PRR36: variants seen among roughly 807,000 people sequenced by gnomAD.
PRR36 encodes proline-rich protein 36.
A neutral mutation model predicts 58.6 loss-of-function variants in PRR36; 30 were observed. That is an observed-to-expected ratio of 0.51 (90% CI 0.38 to 0.69). The LOEUF is 0.69. PRR36 is among the 30% of genes least tolerant of loss of function. PRR36 has a pLI of 0.00. For missense variants in PRR36, 1,692 were observed against 1,805.6 expected (o/e 0.94, Z 1.14); for synonymous variants, 771 against 829.3 (o/e 0.93, Z 1.21).
Position 7,872,440 on chromosome 19 carries a change from A to C in PRR36, c.804T>G (p.His268Gln). ...SARGTPRAPA[H>Q]PSQPKPKGLQ... The stretch of plus-strand genomic sequence containing the variant: ...GTCCTTTCGGCTTGGGCTGCGAGGG[A>C]TGCGCAGGAGCCCTGGGTGTTCCGC... The change falls in exon 5 of 6, where the codon CAT (histidine) becomes CAG (glutamine). Residue 268 changes from histidine to glutamine, a missense_variant. Coordinates refer to ENST00000618550, the MANE Select transcript of PRR36 (RefSeq NM_001190467.2). The surrounding 1 kb of genome is among the most constrained non-coding windows in gnomAD (Gnocchi z 6.1). The C allele has an allele frequency of 7.6e-6, 11 of 1,453,248 alleles. No individual in the cohort carries two copies. Among genetic ancestry groups the C allele is most frequent in the Non-Finnish European group, 9.9e-6 (11 of 1,108,830 alleles). 90.0% of individuals were successfully genotyped at this position (1,453,248 alleles called of 1,614,324 possible).
Position 7,869,481 on chromosome 19 carries a change from T to C in PRR36, c.3593A>G (p.Tyr1198Cys). The C allele has an allele frequency of 6.6e-7, 1 of 1,514,288 alleles. No homozygotes were observed. Among genetic ancestry groups the C allele is most frequent in the South Asian group, 1.2e-5 (1 of 82,624 alleles). The allele number at this position is 1,514,288 out of a possible 1,614,324, so 93.8% of individuals were successfully genotyped here. A position where few individuals can be genotyped will look rare whatever the true frequency, so the allele number is the denominator to read the frequency against. ...PGSADGLCTI[Y>C]ETEGPESATP... ...CGCCGACTCGGGCCCTTCAGTCTCG[T>C]AGATGGTGCACAGACCGTCAGCAGA... The change falls in exon 6 of 6, where the codon TAC becomes TGC. Residue 1198 changes from tyrosine (Y) to cysteine (C), a missense_variant. Tyr to Cys is a radical substitution (Grantham distance 194). Around this residue, in one of 5 missense-constraint regions of PRR36, gnomAD observed 485 missense variants for 549.2 expected, o/e 0.88. Transcript: ENST00000618550.
rs1412445997 is a variant in PRR36 at position 7,872,006 on chromosome 19, G to T, written c.1238C>A (p.Ser413Tyr). 4 of 1,535,742 alleles carry T rather than the reference G, an allele frequency of 2.6e-6. No homozygotes were observed. Among genetic ancestry groups the T allele is most frequent in the Non-Finnish European group, 3.5e-6 (4 of 1,146,814 alleles). Residue 413 changes from serine to tyrosine, a missense_variant, in exon 5 of 6, where the codon TCC becomes TAC. This residue lies in a region of PRR36 where 975 missense variants were observed against 955.2 expected (regional missense o/e 1.02). Transcript: ENST00000618550. The surrounding 1 kb of genome is among the most constrained non-coding windows in gnomAD (Gnocchi z 6.1). ...IMSFPEAGVS[S>Y]LATAAFVASV... The stretch of plus-strand genomic sequence containing the variant: ...AGCCACAAAAGCGGCTGTGGCCAGG[G>T]AAGAGACGCCTGCTTCTGGAAAGGA...
chr19:7,871,364 G>T lies in PRR36; in HGVS notation c.1880C>A (p.Ser627Tyr). Residue 627 changes from serine (S) to tyrosine (Y), a missense_variant, in exon 5 of 6, where the codon TCT (serine) becomes TAT (tyrosine). By Grantham distance (144) the Ser-to-Tyr change is moderately radical. Transcript: ENST00000618550. ...TTGCCTAGGGGACATTGTCAGGAAA[G>T]AATGTGTGGCCTGCAGAGTGGGTGA... ...LGSPTLQATH[S>Y]FLTMSPRQTQ... 1.3e-6 allele frequency: 2 copies of T among 1,535,804 alleles called. No individual in the cohort carries two copies. Among genetic ancestry groups the T allele is most frequent in the Non-Finnish European group, 1.7e-6 (2 of 1,146,830 alleles).
In PRR36 at chr19:7,871,520, G is replaced by A. The variant is rs1313717697; in HGVS notation, c.1724C>T (p.Pro575Leu). 2.0e-6 allele frequency: 3 copies of A among 1,535,450 alleles called. No individual in the cohort carries two copies. Among genetic ancestry groups the A allele is most frequent in the Non-Finnish European group, 2.6e-6 (3 of 1,146,734 alleles). ...PQAPPSMTTP[P>L]MQAPPSLQTI... ...CTGGAGAGAGGGCGGGGCCTGCATAGGGGGCGTAGTCATAGAAGGTGGGGC... is the reference window on the plus strand; with the variant it reads ...CTGGAGAGAGGGCGGGGCCTGCATAAGGGGCGTAGTCATAGAAGGTGGGGC... Residue 575 changes from proline to leucine, a missense_variant, in exon 5 of 6, where the codon CCT (proline) becomes CTT (leucine). Transcript: ENST00000618550.
Position 7,871,466 on chromosome 19 carries a change from G to C in PRR36, c.1778C>G (p.Ser593Cys). The C allele has an allele frequency of 2.6e-6, 4 of 1,535,628 alleles. No individual in the cohort carries two copies. The highest frequency in any genetic ancestry group is 3.5e-6 in the Non-Finnish European group (4 of 1,146,798). ...QTIPPIQVPH[S>C]LTSPSLQAPP... ...TGCCTGCAGAGACGGTGAGGTCAGA[G>C]AATGTGGGACCTGTATTGGGGGAAT... Residue 593 changes from serine (S) to cysteine (C), a missense_variant, in exon 5 of 6, where the codon TCT (serine) becomes TGT (cysteine). Ser to Cys is a moderately radical substitution (Grantham distance 112). Transcript: ENST00000618550.
At position 7,869,553 on chromosome 19, in the gene PRR36, A is replaced by G. The variant is rs1299808164; in HGVS notation, c.3530-9T>C. On this transcript the variant is annotated splice_polypyrimidine_tract_variant and intron_variant, in intron 5 of 5. Transcript: ENST00000618550. ...CCACGGCAGGGGCGCACCTGCGGGG[A>G]GAGACGCCAGGTGGGCCGTGGGGGT... 1 of 1,516,002 alleles carries G rather than the reference A, an allele frequency of 6.6e-7. No homozygotes were observed. The highest frequency in any genetic ancestry group is 2.0e-5 in the Admixed American group (1 of 49,976). The allele number at this position is 1,516,002 out of a possible 1,614,324, so 93.9% of individuals were successfully genotyped here. A position where few individuals can be genotyped will look rare whatever the true frequency, so the allele number is the denominator to read the frequency against.
rs1013558991 is a variant in PRR36, at chr19:7,873,422, G to C, written c.268C>G (p.Pro90Ala). 1.9e-5 allele frequency: 29 copies of C among 1,530,332 alleles called. No homozygotes were observed. The African/African-American group carries it at 3.8e-4, about 20-fold the overall frequency. The allele number at this position is 1,530,332 out of a possible 1,614,324, so 94.8% of individuals were successfully genotyped here. A position where few individuals can be genotyped will look rare whatever the true frequency, so the allele number is the denominator to read the frequency against. ...CTGAGGAAGGAGGCTGGGGTACCAG[G>C]GTTTCGGGAACTTGTCCCAGCACTC... ...TRSAGTSSRNPASRPPASGRG... is the reference protein window; with the variant it reads ...TRSAGTSSRNAASRPPASGRG... The change falls in exon 2 of 6, where the codon CCT (proline) becomes GCT (alanine). Residue 90 changes from proline to alanine, a missense_variant. By Grantham distance (27) the Pro-to-Ala change is conservative. This residue lies in a region of PRR36 where 975 missense variants were observed against 955.2 expected (regional missense o/e 1.02). Coordinates refer to ENST00000618550, the MANE Select transcript of PRR36 (RefSeq NM_001190467.2). The surrounding 1 kb of genome is among the most constrained non-coding windows in gnomAD (Gnocchi z 5.0).
In PRR36 at chr19:7,873,200, G is replaced by C; in HGVS notation, c.371C>G (p.Thr124Ser). ...TGGGGGAGAGGGAGCAGGTTACCTGGTGGTCCCGCTGGCACGCCCTGGGCT... is the reference window on the plus strand; with the variant it reads ...TGGGGGAGAGGGAGCAGGTTACCTGCTGGTCCCGCTGGCACGCCCTGGGCT... The part of the protein sequence containing the change: ...VSSPGRASGT[T>S]RPGPLGQKGL... Residue 124 changes from threonine to serine, a missense_variant, in exon 3 of 6, where the codon ACC (threonine) becomes AGC (serine). Physicochemically the swap from Thr to Ser is moderately conservative, Grantham distance 58. Transcript: ENST00000618550. This position sits in a 1 kb window ranked among gnomAD's most constrained non-coding sequence, Gnocchi z 5.0. The C allele has an allele frequency of 6.5e-7, 1 of 1,535,958 alleles. No individual in the cohort carries two copies. Among genetic ancestry groups the C allele is most frequent in the South Asian group, 1.2e-5 (1 of 84,056 alleles).
chr19:7,872,738 G>C lies in PRR36; in HGVS notation c.506C>G (p.Pro169Arg), dbSNP rs1237722689. Reference sequence around the variant, plus strand: ...GGCCATGGCCGGGGACGGGGTTCCTGGGGTAGGCCCGGAAGTGTCTGGAGA... The same window carrying C: ...GGCCATGGCCGGGGACGGGGTTCCTCGGGTAGGCCCGGAAGTGTCTGGAGA... The part of the protein sequence containing the change: ...GARRDTSGPT[P>R]GTPSPAMARR... The change falls in exon 5 of 6, where the codon CCA becomes CGA. Residue 169 changes from proline to arginine, a missense_variant. Physicochemically the swap from Pro to Arg is moderately radical, Grantham distance 103. This residue lies in a region of PRR36 where 975 missense variants were observed against 955.2 expected (regional missense o/e 1.02). Coordinates refer to ENST00000618550, the MANE Select transcript of PRR36 (RefSeq NM_001190467.2). The surrounding 1 kb of genome is among the most constrained non-coding windows in gnomAD (Gnocchi z 6.1). 8 of 1,452,460 alleles carry C rather than the reference G, an allele frequency of 5.5e-6. No individual in the cohort carries two copies. Among genetic ancestry groups the C allele is most frequent in the Middle Eastern group, 1.8e-4 (1 of 5,598 alleles). The allele number at this position is 1,452,460 out of a possible 1,614,324, so 90.0% of individuals were successfully genotyped here.
At chr19:7,869,690 A>C in intron 5 of PRR36, 25 bp downstream of exon 5, 1 of 1,374,286 alleles carries the variant, frequency 7.3e-7, no homozygotes, top group South Asian at 1.6e-5. Context: ...GCCCACAGCC[A>C]GGCCGGGTCT....
Position 7,873,442 on chromosome 19 carries a change from G to C in PRR36, c.248C>G (p.Ala83Gly). 1.3e-6 allele frequency: 2 copies of C among 1,533,626 alleles called. No individual in the cohort carries two copies. The highest frequency in any genetic ancestry group is 2.4e-5 in the South Asian group (2 of 83,766). The change falls in exon 2 of 6, where the codon GCT becomes GGT. Residue 83 changes from alanine (A) to glycine (G), a missense_variant. Ala to Gly is a moderately conservative substitution (Grantham distance 60, BLOSUM62 0). Around this residue, in one of 5 missense-constraint regions of PRR36, gnomAD observed 975 missense variants for 955.2 expected, o/e 1.02. Coordinates refer to ENST00000618550, the MANE Select transcript of PRR36 (RefSeq NM_001190467.2). The surrounding 1 kb of genome is among the most constrained non-coding windows in gnomAD (Gnocchi z 5.0). Reference sequence around the variant, plus strand: ...ACCAGGGTTTCGGGAACTTGTCCCAGCACTCCGCGTTGGTCCCGCTCGGGG... The same window carrying C: ...ACCAGGGTTTCGGGAACTTGTCCCACCACTCCGCGTTGGTCCCGCTCGGGG... ...SAPRAGPTRS[A>G]GTSSRNPASR...
rs762629865 is a variant in PRR36, at chr19:7,869,076, G to C, written c.3998C>G (p.Pro1333Arg). The C allele has an allele frequency of 2.0e-6, 3 of 1,534,360 alleles. No individual in the cohort carries two copies. The highest frequency in any genetic ancestry group is 2.4e-5 in the South Asian group (2 of 83,860). Residue 1333 changes from proline (P) to arginine (R), a missense_variant, in exon 6 of 6, where the codon CCG becomes CGG. By Grantham distance (103) the Pro-to-Arg change is moderately radical. This residue lies in a region of PRR36 where 485 missense variants were observed against 549.2 expected (regional missense o/e 0.88). Coordinates refer to ENST00000618550, the MANE Select transcript of PRR36 (RefSeq NM_001190467.2). The stretch of plus-strand genomic sequence containing the variant: ...CTCCACCACGGTCCAGTCACCCTGC[G>C]GGGAGGCCACGTCGTCCGGAGAGAA... ...TSFSPDDVASPQGDWTVVEVE... is the reference protein window; with the variant it reads ...TSFSPDDVASRQGDWTVVEVE...
In PRR36 at chr19:7,873,079, C is replaced by T; in HGVS notation, c.374+118G>A. On this transcript the variant is annotated intron_variant, in intron 3 of 5. Transcript: ENST00000618550. This position sits in a 1 kb window ranked among gnomAD's most constrained non-coding sequence, Gnocchi z 5.0. ...CTGAGGACCAATAATGGCTTTCACC[C>T]AATTTGTGCCCAGTGACCTGCAAGT... 7.6e-7 allele frequency: 1 copy of T among 1,315,678 alleles called. No individual in the cohort carries two copies. Among genetic ancestry groups the T allele is most frequent in the South Asian group, 1.3e-5 (1 of 77,840 alleles). 81.5% of individuals were successfully genotyped at this position (1,315,678 alleles called of 1,614,324 possible). A position where few individuals can be genotyped will look rare whatever the true frequency, so the allele number is the denominator to read the frequency against.
rs1980243375 is a variant in PRR36, at chr19:7,869,127, C to A, written c.3947G>T (p.Arg1316Leu). The change falls in exon 6 of 6, where the codon CGT (arginine) becomes CTT (leucine). Residue 1316 changes from arginine to leucine, a missense_variant. Physicochemically the swap from Arg to Leu is moderately radical, Grantham distance 102. Transcript: ENST00000618550. ...AELLSPLDESRASITSVTSFS... is the reference protein window; with the variant it reads ...AELLSPLDESLASITSVTSFS... ...GCTGGTGACCGAGGTGATGCTGGCA[C>A]GGGACTCGTCCAGGGGAGACAGTAG... is the stretch of plus-strand genomic sequence containing the variant. 6.5e-7 allele frequency: 1 copy of A among 1,535,126 alleles called. No homozygotes were observed. Among genetic ancestry groups the A allele is most frequent in the Non-Finnish European group, 8.7e-7 (1 of 1,146,614 alleles).
Position 7,869,027 on chromosome 19 carries a change from T to C in PRR36, c.*6A>G. 1 of 1,509,236 alleles carries C rather than the reference T, an allele frequency of 6.6e-7. No homozygotes were observed. Among genetic ancestry groups the C allele is most frequent in the South Asian group, 1.2e-5 (1 of 81,056 alleles). 93.5% of individuals were successfully genotyped at this position (1,509,236 alleles called of 1,614,324 possible). ...TGGGGTGTAGCAGGCGGGGCTGTGG[T>C]CTGGCTCAGTGGAAGGTCTCCACCT... is the stretch of plus-strand genomic sequence containing the variant. On this transcript the variant is annotated 3_prime_UTR_variant, in exon 6 of 6. Transcript: ENST00000618550.
In PRR36 at chr19:7,872,591, G is replaced by C. The variant is rs983942131; in HGVS notation, c.653C>G (p.Thr218Ser). ...CCTCCTGGCAGCCGGGCTTGGCTCGGTGGTACTGTGCTCCGAGGCGCTGCT... is the reference window on the plus strand; with the variant it reads ...CCTCCTGGCAGCCGGGCTTGGCTCGCTGGTACTGTGCTCCGAGGCGCTGCT... ...SVSSASEHST[T>S]EPSPAARRRP... The change falls in exon 5 of 6, where the codon ACC becomes AGC. Residue 218 changes from threonine to serine, a missense_variant. Physicochemically the swap from Thr to Ser is moderately conservative, Grantham distance 58. Coordinates refer to ENST00000618550, the MANE Select transcript of PRR36 (RefSeq NM_001190467.2). This position sits in a 1 kb window ranked among gnomAD's most constrained non-coding sequence, Gnocchi z 6.1. 71 of 1,522,828 alleles carry C rather than the reference G, an allele frequency of 4.7e-5. No homozygotes were observed. Among genetic ancestry groups the C allele is most frequent in the Non-Finnish European group, 6.0e-5 (68 of 1,141,564 alleles). 94.3% of individuals were successfully genotyped at this position (1,522,828 alleles called of 1,614,324 possible). A position where few individuals can be genotyped will look rare whatever the true frequency, so the allele number is the denominator to read the frequency against.
chr19:7,872,853 C>T lies in PRR36; in HGVS notation c.483G>A (p.Arg161=). 1 of 1,535,804 alleles carries T rather than the reference C, an allele frequency of 6.5e-7. No individual in the cohort carries two copies. The highest frequency in any genetic ancestry group is 8.7e-7 in the Non-Finnish European group (1 of 1,146,682). The part of the protein sequence containing the change: ...PKRSALSAGA[R]RDTSGPTPGT... ...ACTCTTCTCCAGGTCACGTACCTCT[C>T]CGTGCCCCAGCGCTGAGGGCACTCC... The change falls in exon 4 of 6, where the codon CGG becomes CGA. Residue 161 remains arginine (R), a synonymous_variant. Transcript: ENST00000618550. The surrounding 1 kb of genome is among the most constrained non-coding windows in gnomAD (Gnocchi z 6.1).
rs959524816 is a variant in PRR36 at position 7,871,709 on chromosome 19, G to A, written c.1535C>T (p.Pro512Leu). 3 of 1,535,972 alleles carry A rather than the reference G, an allele frequency of 2.0e-6. No individual in the cohort carries two copies. The highest frequency in any genetic ancestry group is 2.6e-6 in the Non-Finnish European group (3 of 1,146,874). The change falls in exon 5 of 6, where the codon CCC becomes CTC. Residue 512 changes from proline (P) to leucine (L), a missense_variant. Coordinates refer to ENST00000618550, the MANE Select transcript of PRR36 (RefSeq NM_001190467.2). Reference protein sequence around the residue: ...SPSPPSLQATPHTLATLPLQD... With the variant: ...SPSPPSLQATLHTLATLPLQD... ...CAGAGGAAGAGTGGCCAGAGTGTGG[G>A]GCGTGGCCTGGAGAGAGGGCGGAGA...
chr19:7,870,164 GC>G lies in PRR36; in HGVS notation c.3079del (p.Ala1027ProfsTer68). ...PPLQALPSPPASFPGQAPFSP... is the reference protein window; with the variant it reads ...PPLQALPSPPXSFPGQAPFSP... ...GAAAGGGGCCTGCCCAGGGAATGAGGCAGGCGGAGAGGGAAGGGCCTGCAGA... is the reference window on the plus strand; with the variant it reads ...GAAAGGGGCCTGCCCAGGGAATGAGGAGGCGGAGAGGGAAGGGCCTGCAGA... On this transcript the variant is annotated frameshift_variant, in exon 5 of 6. Transcript: ENST00000618550. LOFTEE classifies it high-confidence loss of function. 7.0e-7 allele frequency: 1 copy of G among 1,435,534 alleles called. No homozygotes were observed. The highest frequency in any genetic ancestry group is 1.5e-5 in the African/African-American group (1 of 66,610). 88.9% of individuals were successfully genotyped at this position (1,435,534 alleles called of 1,614,324 possible).
Sources: allele counts gnomAD v4.1 joint callset, GRCh38; gene constraint gnomAD v4.1.1; regional missense constraint gnomAD v4.1.1; non-coding constraint Gnocchi (gnomAD v3.1); transcripts MANE v1.5; gene names NCBI Gene and HGNC (gene_info 2026-07-23, HGNC 2026-07-21).